The following CLEC16A variants were observed in gnomAD, a reference collection of about 807,000 sequenced individuals.
CLEC16A encodes the protein protein CLEC16A.
A neutral mutation model predicts 109.5 loss-of-function variants in CLEC16A; 51 were observed. That is an observed-to-expected ratio of 0.47 (90% confidence interval 0.37 to 0.59). The LOEUF is 0.59. Among genes scored for constraint, CLEC16A ranks in the 20% least tolerant of loss-of-function variants. The probability of loss-of-function intolerance (pLI) is 0.00; values close to 1 mark genes in which losing one functional copy is unlikely to be tolerated. For synonymous variants in CLEC16A, 673 were observed against 564.2 expected, an observed-to-expected ratio of 1.19 and a Z score of -2.73; for missense variants, 1,339 against 1,394.0, an observed-to-expected ratio of 0.96 and a Z score of 0.63.
intron 19 of CLEC16A, among the ~76,000 whole-genome samples, chr16:11,100,053 A>G (rs1320365615): frequency 6.6e-6 from 1 of 152,042 alleles, no homozygotes; most frequent in Non-Finnish European, 1.5e-5. Context: ...TGCCTATGAC[A>G]CACTTATTTA....
chr16:11,019,342 T>C (rs1303285152), intron 11 of CLEC16A, among the ~76,000 whole-genome samples: 1 of 152,196 alleles, frequency 6.6e-6, no homozygotes, highest in East Asian at 1.9e-4. Flanking sequence ...ATGCTTAAGC[T>C]GATTGCTACA....
chr16:11,094,730 C>G (rs878966322), intron 19 of CLEC16A, among the ~76,000 whole-genome samples: 5 of 152,184 alleles, frequency 3.3e-5, no homozygotes, highest in Admixed American at 2.0e-4. Context: ...CTGCCTCTGC[C>G]GTGTAGTTTC....
chr16:11,150,036 C>G (rs142014569), intron 22 of CLEC16A: 2 of 152,246 alleles, frequency 1.3e-5, no homozygotes, highest in East Asian at 3.9e-4. Context: ...CAAAACCTGC[C>G]TTCAGGTATT....
Position 11,125,965 on chromosome 16 carries a change from T to C in CLEC16A, c.2474-14T>C. On this transcript the variant is annotated splice_polypyrimidine_tract_variant and intron_variant, in intron 21 of 23. Coordinates refer to ENST00000409790, the MANE Select transcript of CLEC16A (RefSeq NM_015226.3). ...CACATGCTCAGAGTGAACCATGCTA[T>C]TGTTTGACCGTAGCCCTCCTGGACC... The C allele has an allele frequency of 7.2e-7, 1 of 1,385,660 alleles. No individual in the cohort carries two copies. The highest frequency in any genetic ancestry group is 9.6e-7 in the Non-Finnish European group (1 of 1,041,032). 85.8% of individuals were successfully genotyped at this position (1,385,660 alleles called of 1,614,324 possible).
At chr16:10,946,862 TG>T (rs1189084489) in intron 1 of CLEC16A, among the ~76,000 whole-genome samples, 15 of 152,324 alleles carry the variant, frequency 9.8e-5, no homozygotes, top group African/African-American at 3.6e-4. Flanking sequence ...TTCAGTGACT[TG>T]CCCCCAGGTG....
intron 13 of CLEC16A, among the ~76,000 whole-genome samples, chr16:11,033,810 C>T (rs540043051): frequency 2.0e-5 from 3 of 152,132 alleles, no homozygotes; most frequent in African/African-American, 4.8e-5. Flanking sequence ...AAGGGTTGAC[C>T]GGTTGGCGGA....
Position 11,180,439 on chromosome 16 carries a change from A to G in CLEC16A, c.*1749A>G. 1 of 152,578 alleles carries G rather than the reference A, an allele frequency of 6.6e-6. No individual in the cohort carries two copies. The allele number at this position is 152,578 out of a possible 1,614,324, so 9.5% of individuals were successfully genotyped here. A position where few individuals can be genotyped will look rare whatever the true frequency, so the allele number is the denominator to read the frequency against. On this transcript the variant is annotated 3_prime_UTR_variant, in exon 24 of 24. Coordinates refer to ENST00000409790, the MANE Select transcript of CLEC16A (RefSeq NM_015226.3). The stretch of plus-strand genomic sequence containing the variant: ...AAACCCAAAGGAAGGACAAACCACG[A>G]CCACCGTGGCCATCTGCAGAATCCC...
At chr16:11,022,158 C>A (rs895527827) in intron 12 of CLEC16A, among the ~76,000 whole-genome samples, 1 of 152,048 alleles carries the variant, frequency 6.6e-6, no homozygotes, top group African/African-American at 2.4e-5. Context: ...TGGGAACCTC[C>A]AGGCCAGATT....
At chr16:10,958,941 C>T (rs765066401) in intron 2 of CLEC16A, among the ~76,000 whole-genome samples, 9 of 151,844 alleles carry the variant, frequency 5.9e-5, no homozygotes, top group Non-Finnish European at 1.2e-4. Flanking sequence ...TGTGAACTAC[C>T]TCCCTAATAG....
intron 10 of CLEC16A, among the ~76,000 whole-genome samples, chr16:10,999,681 A>G (rs2044547471): frequency 6.6e-6 from 1 of 152,098 alleles, no homozygotes; most frequent in Non-Finnish European, 1.5e-5. Context: ...CACACCAGAC[A>G]CCTGATCACT....
chr16:11,106,222 G>C (rs1460594631), intron 19 of CLEC16A, among the ~76,000 whole-genome samples: 1 of 152,154 alleles, frequency 6.6e-6, no homozygotes, highest in African/African-American at 2.4e-5. Flanking sequence ...ATACAACCAA[G>C]TTGAAAGAAT....
At chr16:11,063,863 C>A (rs576476107) in intron 19 of CLEC16A, among the ~76,000 whole-genome samples, 1 of 150,998 alleles carries the variant, frequency 6.6e-6, no homozygotes, top group East Asian at 2.0e-4. Flanking sequence ...AGGTCAGGAA[C>A]TGGCAGCCAC....
intron 19 of CLEC16A, among the ~76,000 whole-genome samples, chr16:11,106,516 C>G (rs1296577320): frequency 1.4e-5 from 2 of 145,834 alleles, no homozygotes; most frequent in African/African-American, 5.1e-5. Context: ...GAGAATAGCT[C>G]TGGCTATGTT....
chr16:11,101,748 G>A (rs1361511390), intron 19 of CLEC16A, among the ~76,000 whole-genome samples: 1 of 151,780 alleles, frequency 6.6e-6, no homozygotes, highest in Admixed American at 6.6e-5. Context: ...TTTTTATTTT[G>A]CCCTTCATGA....
intron 22 of CLEC16A, among the ~76,000 whole-genome samples, chr16:11,133,411 C>A (rs2053358679): frequency 6.6e-6 from 1 of 151,596 alleles, no homozygotes; most frequent in Admixed American, 6.6e-5. Context: ...CCGGTGTTAT[C>A]TTTATCAAAG....
At position 11,140,828 on chromosome 16, in the gene CLEC16A, G is replaced by A. The variant is rs1051327646; in HGVS notation, c.2641+14682G>A. On this transcript the variant is annotated intron_variant, in intron 22 of 23. Coordinates refer to ENST00000409790, the MANE Select transcript of CLEC16A (RefSeq NM_015226.3). Reference sequence around the variant, plus strand: ...CACACCCTGGAGCCAGACCCCCCAGGTTCAAATCCACACCTACCCCTAGAC... The same window carrying A: ...CACACCCTGGAGCCAGACCCCCCAGATTCAAATCCACACCTACCCCTAGAC... Among the ~76,000 whole-genome samples the A allele has an allele frequency of 3.9e-5, 6 of 152,172 alleles. 1 individual carries two copies. The South Asian group carries it at 1.2e-3, about 32-fold the overall frequency.
chr16:10,999,299 T>TA (rs1194703841), intron 10 of CLEC16A, among the ~76,000 whole-genome samples: 3 of 152,136 alleles, frequency 2.0e-5, no homozygotes, highest in Non-Finnish European at 2.9e-5. Flanking sequence ...AGGTATAAAA[T>TA]AAAAAAAGTG....
At chr16:11,105,380 C>T (rs909343962) in intron 19 of CLEC16A, among the ~76,000 whole-genome samples, 13 of 152,178 alleles carry the variant, frequency 8.5e-5, no homozygotes, top group African/African-American at 2.9e-4. Context: ...GCAAGTTGCT[C>T]ATCCTTAAGT....
chr16:10,972,426 G>A lies in CLEC16A; in HGVS notation c.599-128G>A. 5 of 770,652 alleles carry A rather than the reference G, an allele frequency of 6.5e-6. No homozygotes were observed. The South Asian group carries it at 7.5e-5, about 12-fold the overall frequency. 47.7% of individuals were successfully genotyped at this position (770,652 alleles called of 1,614,324 possible). ...TCTCCTTCTAACCTTATCTCTCTGTGCAGATGCCTCCCACCCTAGTCTCTC... is the reference window on the plus strand; with the variant it reads ...TCTCCTTCTAACCTTATCTCTCTGTACAGATGCCTCCCACCCTAGTCTCTC... On this transcript the variant is annotated intron_variant, in intron 5 of 23. Coordinates refer to ENST00000409790, the MANE Select transcript of CLEC16A (RefSeq NM_015226.3).
Sources: allele counts gnomAD v4.1 joint callset (sites outside exome capture counted in the v4.1 genomes callset), GRCh38; gene constraint gnomAD v4.1.1; transcripts MANE v1.5; gene names NCBI Gene and HGNC (gene_info 2026-07-23, HGNC 2026-07-21).